CNTN4: variants seen among roughly 807,000 people sequenced by gnomAD.
CNTN4 encodes the protein contactin 4, also known as contactin-4.
In CNTN4, 77 loss-of-function variants were observed where a neutral mutation model predicts 122.5. The observed-to-expected ratio is 0.63, with a 90% confidence interval of 0.52 to 0.76. The LOEUF (loss-of-function observed/expected upper bound fraction) is 0.76, where lower values mean the gene tolerates loss of function less well. Ranked by LOEUF, CNTN4 falls within the 30% of genes least tolerant of loss-of-function variation. CNTN4 has a pLI of 0.00. For synonymous variants in CNTN4, 512 were observed against 447.0 expected, an observed-to-expected ratio of 1.15 and a Z score of -1.83; for missense variants, 1,256 against 1,259.1, an observed-to-expected ratio of 1.00 and a Z score of 0.04.
At chr3:2,711,376 A>G (rs1349825320) in intron 4 of CNTN4, among the ~76,000 whole-genome samples, 2 of 152,150 alleles carry the variant, frequency 1.3e-5, no homozygotes, top group South Asian at 2.1e-4. Context: ...AAGAGCCGCT[A>G]TGAATCTTTT....
At chr3:2,946,693 C>CTT (rs1553703098) in intron 13 of CNTN4, among the ~76,000 whole-genome samples, 6 of 127,734 alleles carry the variant, frequency 4.7e-5, no homozygotes, top group Non-Finnish European at 6.7e-5. Context: ...AGACAGCTTG[C>CTT]TTTTTTTTTT....
intron 3 of CNTN4, among the ~76,000 whole-genome samples, chr3:2,351,068 G>A (rs2044593677): frequency 6.6e-6 from 1 of 152,096 alleles, no homozygotes; most frequent in Admixed American, 6.5e-5. Context: ...TTCCTATATT[G>A]AGTTTGCTTC....
rs339286 is a variant in CNTN4 at position 3,039,860 on chromosome 3, C to T, written c.2164-177C>T. 0.11 allele frequency: 68,799 copies of T among 642,042 alleles called. 5,706 individuals carry two copies. The highest frequency in any genetic ancestry group is 0.34 in the African/African-American group (18,854 of 55,848). 39.8% of individuals were successfully genotyped at this position (642,042 alleles called of 1,614,324 possible). A position where few individuals can be genotyped will look rare whatever the true frequency, so the allele number is the denominator to read the frequency against. ...ACGTTTTCAACCCTGTCCAGTACAT[C>T]ATAACTGTTTAAGATAGACTGACTG... On this transcript the variant is annotated intron_variant, in intron 19 of 24. Coordinates refer to ENST00000418658, the MANE Select transcript of CNTN4 (RefSeq NM_175607.3).
At chr3:2,518,311 A>G (rs1230501903) in intron 3 of CNTN4, among the ~76,000 whole-genome samples, 1 of 152,142 alleles carries the variant, frequency 6.6e-6, no homozygotes, top group African/African-American at 2.4e-5. Flanking sequence ...TGTCTAAATG[A>G]TACGTTGATT....
chr3:2,154,339 G>A (rs1324017479), intron 2 of CNTN4, among the ~76,000 whole-genome samples: 2 of 151,034 alleles, frequency 1.3e-5, no homozygotes, highest in African/African-American at 2.4e-5. Context: ...TGAGCCAGTC[G>A]TGCCTGCACT....
In CNTN4 at chr3:3,037,311, G is replaced by T; in HGVS notation, c.2075G>T (p.Arg692Leu). The part of the protein sequence containing the change: ...IGEPSRPSEK[R>L]RTEEALPEVT... ...GAGCCCAGCCGCCCCTCAGAGAAAC[G>T]GAGAACAGAAGAAGCTCGTGAGTAG... The change falls in exon 18 of 25, where the codon CGG (arginine) becomes CTG (leucine). Residue 692 changes from arginine (R) to leucine (L), a missense_variant. Coordinates refer to ENST00000418658, the MANE Select transcript of CNTN4 (RefSeq NM_175607.3). 2 of 1,614,112 alleles carry T rather than the reference G, an allele frequency of 1.2e-6. No individual in the cohort carries two copies. Among genetic ancestry groups the T allele is most frequent in the Non-Finnish European group, 1.7e-6 (2 of 1,180,020 alleles).
chr3:2,127,939 G>A (rs2034259539), intron 2 of CNTN4, among the ~76,000 whole-genome samples: 1 of 152,154 alleles, frequency 6.6e-6, no homozygotes, highest in Non-Finnish European at 1.5e-5. Context: ...TTCTTCCTCT[G>A]AATGCCACTC....
intron 7 of CNTN4, among the ~76,000 whole-genome samples, chr3:2,846,641 TCTC>T: frequency 6.6e-6 from 1 of 152,318 alleles, no homozygotes; most frequent in East Asian, 1.9e-4. Flanking sequence ...ATATTGCTAT[TCTC>T]AAGTAAATTT....
At chr3:2,917,649 G>A (rs2094383625) in intron 12 of CNTN4, among the ~76,000 whole-genome samples, 1 of 152,140 alleles carries the variant, frequency 6.6e-6, no homozygotes, top group Admixed American at 6.5e-5. Flanking sequence ...AGCTTCTGGT[G>A]ATTTTTATGG....
chr3:2,483,031 TTGTAC>T (rs201283418), intron 3 of CNTN4, among the ~76,000 whole-genome samples: 2,699 of 152,192 alleles, frequency 0.018, 81 homozygotes, highest in African/African-American at 0.061. Flanking sequence ...CACCTACAGC[TTGTAC>T]TGTGCACCTG....
intron 7 of CNTN4, among the ~76,000 whole-genome samples, chr3:2,843,991 C>T (rs2093410537): frequency 6.6e-6 from 1 of 152,186 alleles, no homozygotes; most frequent in Non-Finnish European, 1.5e-5. Context: ...CATAAACTGG[C>T]CCCTGGCCAT....
intron 4 of CNTN4, among the ~76,000 whole-genome samples, chr3:2,692,286 G>A (rs1230374569): frequency 2.6e-5 from 4 of 152,086 alleles, no homozygotes; most frequent in Admixed American, 6.6e-5. Context: ...TTCTCCTTTC[G>A]GAAAAGCGAT....
intron 13 of CNTN4, among the ~76,000 whole-genome samples, chr3:2,968,539 G>T (rs2125073164): frequency 6.6e-6 from 1 of 152,270 alleles, no homozygotes; most frequent in East Asian, 1.9e-4. Flanking sequence ...CACTAAAGAT[G>T]AATCCTGAAC....
At chr3:2,643,129 T>G (rs1372239799) in intron 4 of CNTN4, among the ~76,000 whole-genome samples, 1 of 152,200 alleles carries the variant, frequency 6.6e-6, no homozygotes. Context: ...TATTAATCTC[T>G]TCTCAAGTGA....
At chr3:2,830,058 G>C (rs781497894) in intron 7 of CNTN4, among the ~76,000 whole-genome samples, 5 of 152,124 alleles carry the variant, frequency 3.3e-5, no homozygotes, top group Non-Finnish European at 7.4e-5. Context: ...AAAAATAGCA[G>C]AAATAAATTT....
At chr3:2,736,770 T>TTTTA (rs563317741) in intron 5 of CNTN4, among the ~76,000 whole-genome samples, 4,422 of 137,386 alleles carry the variant, frequency 0.032, 93 homozygotes, top group East Asian at 0.055. Context: ...GACCAAGAGC[T>TTTTA]TTTATTTATT....
intron 4 of CNTN4, among the ~76,000 whole-genome samples, chr3:2,637,871 G>A (rs957607767): frequency 2.0e-5 from 3 of 151,876 alleles, no homozygotes; most frequent in Non-Finnish European, 2.9e-5. Context: ...ACTCTTCATC[G>A]AATGCCTAAT....
At chr3:2,699,023 T>TA (rs11334621) in intron 4 of CNTN4, among the ~76,000 whole-genome samples, 32 of 149,100 alleles carry the variant, frequency 2.1e-4, no homozygotes, top group African/African-American at 3.5e-4. Context: ...GACTCTGTCT[T>TA]AAAAAAAAAA....
At chr3:2,464,958 C>A (rs918781897) in intron 3 of CNTN4, among the ~76,000 whole-genome samples, 1 of 152,130 alleles carries the variant, frequency 6.6e-6, no homozygotes, top group East Asian at 1.9e-4. Context: ...AGAAAAATTT[C>A]TTTCTTGTGT....
Sources: allele counts gnomAD v4.1 joint callset (sites outside exome capture counted in the v4.1 genomes callset), GRCh38; gene constraint gnomAD v4.1.1; transcripts MANE v1.5; gene names NCBI Gene and HGNC (gene_info 2026-07-23, HGNC 2026-07-21).